The following INSL6 variants were observed in gnomAD, a reference collection of about 807,000 sequenced individuals.
INSL6 encodes insulin-like peptide INSL6.
INSL6 carries 16 observed loss-of-function variants against 9.4 expected under a neutral mutation model. The ratio of observed to expected loss-of-function variants is 1.70; its 90% CI spans 1.15 to 2.59. INSL6 has a LOEUF of 2.59. Among genes scored for constraint, INSL6 ranks in the 30% most tolerant of loss-of-function variants. The pLI, the probability that INSL6 is intolerant of heterozygous loss-of-function variation, is 0.00. For synonymous variants in INSL6, 154 were observed against 96.9 expected, an observed-to-expected ratio of 1.59 and a Z score of -3.46; for missense variants, 391 against 257.3, an observed-to-expected ratio of 1.52 and a Z score of -3.56.
intron 2 of INSL6, among the ~76,000 whole-genome samples, chr9:5,156,954 T>G (rs1242356578): frequency 1.3e-5 from 2 of 152,042 alleles, no homozygotes; most frequent in African/African-American, 2.4e-5. Context: ...GAGGCAGAGG[T>G]TGCAGTGAGC....
chr9:5,110,848 GACGC>G, the INSL6 span: 1 of 471,530 alleles, frequency 2.1e-6, no homozygotes, highest in Non-Finnish European at 4.1e-6. Flanking sequence ...AGGTGGGGGG[GACGC>G]TTCATGCCGC....
At chr9:5,117,308 A>G in the INSL6 span, among the ~76,000 whole-genome samples, 2 of 152,226 alleles carry the variant, frequency 1.3e-5, no homozygotes, top group African/African-American at 4.8e-5. Context: ...CTTCTTTAGT[A>G]GACAGTGCGT....
chr9:5,130,883 T>C (rs10974976), intron 3 of INSL6, among the ~76,000 whole-genome samples: 61,115 of 147,986 alleles, frequency 0.41, 15,585 homozygotes, highest in African/African-American at 0.73. Context: ...CGCCTGCCAC[T>C]ACACCCGGCT....
chr9:5,135,875 T>C (rs981396748), intron 2 of INSL6, among the ~76,000 whole-genome samples: 2 of 151,794 alleles, frequency 1.3e-5, no homozygotes, highest in African/African-American at 4.8e-5. Context: ...GATACACGGC[T>C]AGCCAGATTA....
At chr9:5,168,847 G>A (rs1378410630) in intron 1 of INSL6, among the ~76,000 whole-genome samples, 1 of 151,980 alleles carries the variant, frequency 6.6e-6, no homozygotes, top group Admixed American at 6.6e-5. Flanking sequence ...CACCTATAAA[G>A]GGAAGCCCAT....
the INSL6 span, among the ~76,000 whole-genome samples, chr9:5,087,168 A>T: frequency 2.0e-5 from 3 of 152,218 alleles, no homozygotes; most frequent in Non-Finnish European, 4.4e-5. Context: ...GAGACTGGGT[A>T]ATTTATAAAG....
chr9:5,072,671 AG>A, the INSL6 span: 2 of 1,459,938 alleles, frequency 1.4e-6, no homozygotes, highest in Non-Finnish European at 1.8e-6. Context: ...TGCTGTTTAA[AG>A]ATGTGCTCTC....
At chr9:5,130,957 C>T (rs1410354425) in intron 3 of INSL6, among the ~76,000 whole-genome samples, 7 of 151,362 alleles carry the variant, frequency 4.6e-5, no homozygotes, top group Non-Finnish European at 7.4e-5. Flanking sequence ...TCTCGATCTC[C>T]TGACCTCATG....
chr9:5,005,980 C>G, the INSL6 span, among the ~76,000 whole-genome samples: 1 of 152,120 alleles, frequency 6.6e-6, no homozygotes, highest in Non-Finnish European at 1.5e-5. Flanking sequence ...GATGCAGGCT[C>G]TTTTTTGGTT....
chr9:5,005,302 A>G, the INSL6 span, among the ~76,000 whole-genome samples: 1 of 151,246 alleles, frequency 6.6e-6, no homozygotes, highest in East Asian at 1.9e-4. Context: ...TTTTTAAATC[A>G]GGTTATTTGT....
the INSL6 span, among the ~76,000 whole-genome samples, chr9:5,052,436 G>C: frequency 1.3e-5 from 2 of 152,084 alleles, no homozygotes; most frequent in Non-Finnish European, 2.9e-5. Flanking sequence ...TTTAAAAATA[G>C]TGTAGATATT....
the INSL6 span, among the ~76,000 whole-genome samples, chr9:5,088,473 A>G: frequency 6.6e-6 from 1 of 152,236 alleles, no homozygotes; most frequent in Non-Finnish European, 1.5e-5. Flanking sequence ...TAAATGTTAT[A>G]GCAACTTACC....
the INSL6 span, chr9:5,110,057 T>G: frequency 6.6e-6 from 1 of 152,314 alleles, no homozygotes; most frequent in East Asian, 1.9e-4. Context: ...CATGAGAGAT[T>G]CAACAAGCAT....
chr9:5,048,176 C>A, the INSL6 span, among the ~76,000 whole-genome samples: 29 of 152,052 alleles, frequency 1.9e-4, no homozygotes, highest in East Asian at 5.6e-3. Context: ...GAGTCTCCCA[C>A]TGTTGCCTGG....
intron 2 of INSL6, among the ~76,000 whole-genome samples, chr9:5,137,378 A>C (rs1232394705): frequency 6.6e-6 from 1 of 152,220 alleles, no homozygotes; most frequent in Non-Finnish European, 1.5e-5. Context: ...CTACATTACA[A>C]GGCTATAGTA....
the INSL6 span, among the ~76,000 whole-genome samples, chr9:5,042,258 C>T: frequency 6.6e-6 from 1 of 151,798 alleles, no homozygotes; most frequent in African/African-American, 2.4e-5. Context: ...CTGCCTCAGC[C>T]TCCCAAGTAG....
the INSL6 span, chr9:5,113,686 C>G: frequency 6.1e-6 from 1 of 164,698 alleles, no homozygotes; most frequent in African/African-American, 2.4e-5. Context: ...GGGACACAGG[C>G]TCCCTCAACA....
At chr9:4,998,551 G>A in the INSL6 span, among the ~76,000 whole-genome samples, 3 of 151,950 alleles carry the variant, frequency 2.0e-5, no homozygotes, top group African/African-American at 7.3e-5. Context: ...CACCATGCCC[G>A]GCCAAAAACT....
At chr9:4,998,880 T>G in the INSL6 span, among the ~76,000 whole-genome samples, 3 of 151,970 alleles carry the variant, frequency 2.0e-5, no homozygotes, top group Admixed American at 6.5e-5. Context: ...ACCCAGGCTG[T>G]AGTGCAGTGG....
Sources: gnomAD v4.1 joint callset for allele counts (sites outside exome capture counted in the v4.1 genomes callset) on GRCh38, gnomAD v4.1.1 for gene constraint, MANE v1.5 for transcripts, NCBI Gene and HGNC (gene_info 2026-07-23, HGNC 2026-07-21) for gene names.